The following ITGAV variants were observed in gnomAD, a reference collection of about 807,000 sequenced individuals.
The protein encoded by ITGAV is integrin subunit alpha V.
Under a neutral mutation model 143.8 loss-of-function variants are expected in ITGAV, and 76 were observed. That is an observed-to-expected ratio of 0.53 (90% CI 0.44 to 0.64). ITGAV has a LOEUF of 0.64. Among genes scored for constraint, ITGAV ranks in the 30% least tolerant of loss-of-function variants. ITGAV has a pLI of 0.00. For missense variants in ITGAV, 1,193 were observed against 1,274.7 expected (o/e 0.94, Z 0.98); for synonymous variants, 453 against 446.7 (o/e 1.01, Z -0.18).
At chr2:186,647,849 C>A (rs1688305322) in intron 13 of ITGAV, among the ~76,000 whole-genome samples, 1 of 152,080 alleles carries the variant, frequency 6.6e-6, no homozygotes, top group Admixed American at 6.6e-5. Flanking sequence ...GCTCAATATA[C>A]AAGTGTGTTG....
At chr2:186,615,058 G>A (rs1310996607) in intron 2 of ITGAV, among the ~76,000 whole-genome samples, 4 of 151,940 alleles carry the variant, frequency 2.6e-5, no homozygotes, top group African/African-American at 9.7e-5. Context: ...TACTTTCTGT[G>A]TCTACATATT....
intron 2 of ITGAV, among the ~76,000 whole-genome samples, chr2:186,605,723 T>G: frequency 6.9e-6 from 1 of 145,074 alleles, no homozygotes; most frequent in Non-Finnish European, 1.5e-5. Flanking sequence ...CTAAAGTCCT[T>G]TAGTGGTTGT....
chr2:186,590,230 C>T lies in ITGAV; in HGVS notation c.-109C>T. The T allele has an allele frequency of 2.1e-6, 2 of 940,206 alleles. No homozygotes were observed. The highest frequency in any genetic ancestry group is 2.9e-6 in the Non-Finnish European group (2 of 692,152). 58.2% of individuals were successfully genotyped at this position (940,206 alleles called of 1,614,324 possible). On this transcript the variant is annotated 5_prime_UTR_variant, in exon 1 of 30. Transcript: ENST00000261023. ...CCGGGCTAGCCGAGAAGAGAGCGGC[C>T]GGCAAGTTTGGGCGCGCGCAGGCGG...
Position 186,659,181 on chromosome 2 carries a change from G to A in ITGAV, c.1857+6G>A, listed in dbSNP as rs1688672967. 1 of 1,555,424 alleles carries A rather than the reference G, an allele frequency of 6.4e-7. No individual in the cohort carries two copies. The highest frequency in any genetic ancestry group is 8.7e-7 in the Non-Finnish European group (1 of 1,152,864). Reference sequence around the variant, plus strand: ...CTGCTAACATTAGTCGACAGGTACTGTACTCAGTTTACCACTAATGTGATA... The same window carrying A: ...CTGCTAACATTAGTCGACAGGTACTATACTCAGTTTACCACTAATGTGATA... On this transcript the variant is annotated splice_donor_region_variant and intron_variant, in intron 18 of 29. Coordinates refer to ENST00000261023, the MANE Select transcript of ITGAV (RefSeq NM_002210.5).
At chr2:186,621,042 T>G (rs1687505673) in intron 2 of ITGAV, among the ~76,000 whole-genome samples, 1 of 152,208 alleles carries the variant, frequency 6.6e-6, no homozygotes. Context: ...GGTTGTGGTA[T>G]TTAGATCTGT....
At position 186,679,696 on chromosome 2, in the gene ITGAV, TATTG is replaced by T. The variant is rs1689302527; in HGVS notation, c.*2407_*2410del. 1 of 151,996 alleles carries T rather than the reference TATTG, an allele frequency of 6.6e-6. No homozygotes were observed. 9.4% of individuals were successfully genotyped at this position (151,996 alleles called of 1,614,324 possible). On this transcript the variant is annotated 3_prime_UTR_variant, in exon 30 of 30. Coordinates refer to ENST00000261023, the MANE Select transcript of ITGAV (RefSeq NM_002210.5). Reference sequence around the variant, plus strand: ...AAAAACATTTGACATTGGTAAGAAATATTGATACTGATATTGATTTTTATATAGG... The same window carrying T: ...AAAAACATTTGACATTGGTAAGAAATATACTGATATTGATTTTTATATAGG...
intron 18 of ITGAV, among the ~76,000 whole-genome samples, 186 bp from the exon 19 acceptor site, chr2:186,663,582 C>A (rs1574498743): frequency 6.6e-6 from 1 of 152,158 alleles, no homozygotes; most frequent in Non-Finnish European, 1.5e-5. Flanking sequence ...ACTGGCTACA[C>A]TGACCTGCTT....
At chr2:186,643,675 G>C (rs1470914808) in intron 12 of ITGAV, among the ~76,000 whole-genome samples, 2 of 151,982 alleles carry the variant, frequency 1.3e-5, no homozygotes, top group Non-Finnish European at 2.9e-5. Context: ...TAGCCCCAAG[G>C]TAATTATGTG....
chr2:186,653,775 T>G (rs1048494705), intron 15 of ITGAV, among the ~76,000 whole-genome samples: 6 of 152,236 alleles, frequency 3.9e-5, no homozygotes, highest in Non-Finnish European at 8.8e-5. Flanking sequence ...TAACATCATA[T>G]GATTTTTGAG....
chr2:186,599,898 T>G (rs1218224156), intron 1 of ITGAV, among the ~76,000 whole-genome samples: 2 of 152,202 alleles, frequency 1.3e-5, no homozygotes, highest in East Asian at 3.8e-4. Flanking sequence ...CTGTCACCTA[T>G]CTTTCCACCC....
intron 6 of ITGAV, among the ~76,000 whole-genome samples, chr2:186,633,882 G>A (rs1687884135): frequency 6.6e-6 from 1 of 152,128 alleles, no homozygotes; most frequent in Admixed American, 6.6e-5. Context: ...AAAAATTGAA[G>A]CTGGGCATGG....
chr2:186,668,607 G>T, intron 24 of ITGAV, 155 bp from the exon 25 acceptor site: 1 of 624,126 alleles, frequency 1.6e-6, no homozygotes, highest in Non-Finnish European at 2.8e-6. Context: ...GATCATTTTT[G>T]CATAAAAATG....
At chr2:186,638,631 C>CGTGTGTGTGTGTGT (rs34535817) in intron 10 of ITGAV, among the ~76,000 whole-genome samples, 166 bp downstream of exon 10, 7 of 144,794 alleles carry the variant, frequency 4.8e-5, no homozygotes, top group Admixed American at 2.8e-4. Context: ...CTCTTTTGAG[C>CGTGTGTGTGTGTGT]GTGTGTGTGT....
chr2:186,668,965 G>A, intron 25 of ITGAV, 45 bp downstream of exon 25: 1 of 1,449,618 alleles, frequency 6.9e-7, no homozygotes, highest in South Asian at 1.3e-5. Flanking sequence ...ATATTTCATT[G>A]CCTTCTTTCT....
At chr2:186,638,531 T>C (rs557358116) in intron 10 of ITGAV, 66 bp downstream of exon 10, 1 of 1,301,066 alleles carries the variant, frequency 7.7e-7, no homozygotes, top group South Asian at 1.3e-5. Context: ...TGGAGAAAAT[T>C]TGCGAAATAA....
intron 1 of ITGAV, among the ~76,000 whole-genome samples, chr2:186,590,967 C>T (rs757512159): frequency 1.3e-5 from 2 of 151,472 alleles, no homozygotes; most frequent in African/African-American, 4.9e-5. Flanking sequence ...TTTTCAGTCT[C>T]CCTAAACAAG....
intron 1 of ITGAV, among the ~76,000 whole-genome samples, chr2:186,600,570 C>A (rs979246172): frequency 1.3e-5 from 2 of 152,170 alleles, no homozygotes; most frequent in Admixed American, 1.3e-4. Flanking sequence ...TCTCTCTCAG[C>A]TAATTGTTTG....
chr2:186,675,982 A>G (rs1689198374), intron 28 of ITGAV, 55 bp downstream of exon 28: 1 of 955,678 alleles, frequency 1.0e-6, no homozygotes, highest in African/African-American at 1.7e-5. Flanking sequence ...AATGCTGTAC[A>G]TGTTTTTATT....
chr2:186,595,365 G>C (rs1004276938), intron 1 of ITGAV, among the ~76,000 whole-genome samples: 1 of 152,184 alleles, frequency 6.6e-6, no homozygotes, highest in Non-Finnish European at 1.5e-5. Flanking sequence ...CACATTCCGT[G>C]AATCAACTGC....
Sources: gnomAD v4.1 joint callset for allele counts (sites outside exome capture counted in the v4.1 genomes callset) on GRCh38, gnomAD v4.1.1 for gene constraint, MANE v1.5 for transcripts, NCBI Gene and HGNC (gene_info 2026-07-23, HGNC 2026-07-21) for gene names.